The following OLFM3 variants were observed in gnomAD, a reference collection of about 807,000 sequenced individuals.
OLFM3 encodes noelin-3.
In OLFM3, 20 loss-of-function variants were observed where a neutral mutation model predicts 48.6. That is an observed-to-expected ratio of 0.41 (90% CI 0.29 to 0.60). OLFM3 has a LOEUF of 0.60. Ranked by LOEUF, OLFM3 falls within the 20% of genes least tolerant of loss-of-function variation. The probability of loss-of-function intolerance (pLI) is 0.28; values close to 1 mark genes in which losing one functional copy is unlikely to be tolerated. For missense variants in OLFM3, 437 were observed against 544.3 expected (o/e 0.80, Z 1.96); for synonymous variants, 222 against 198.1 (o/e 1.12, Z -1.01).
intron 1 of OLFM3, among the ~76,000 whole-genome samples, chr1:101,838,190 C>T (rs1378535425): frequency 2.0e-5 from 3 of 152,072 alleles, no homozygotes; most frequent in Non-Finnish European, 2.9e-5. Flanking sequence ...TCTTGAGTAG[C>T]TGGGATTACA....
intron 4 of OLFM3, 148 bp from the exon 5 acceptor site, chr1:101,806,330 T>G (rs1177632982): frequency 1.6e-6 from 1 of 644,654 alleles, no homozygotes; most frequent in African/African-American, 1.8e-5. Context: ...TTATTCACAA[T>G]GGGTGCTGGG....
intron 1 of OLFM3, among the ~76,000 whole-genome samples, chr1:101,969,029 G>C (rs1420099818): frequency 6.6e-6 from 1 of 152,174 alleles, no homozygotes; most frequent in Non-Finnish European, 1.5e-5. Context: ...GAGATTTTCA[G>C]TTGCTTTCCT....
chr1:101,989,416 A>G (rs1570694657), intron 1 of OLFM3, among the ~76,000 whole-genome samples: 1 of 152,228 alleles, frequency 6.6e-6, no homozygotes, highest in Non-Finnish European at 1.5e-5. Flanking sequence ...AGATGGTCTT[A>G]TGCTATTTCT....
intron 1 of OLFM3, among the ~76,000 whole-genome samples, chr1:101,919,505 C>G (rs1428125109): frequency 6.6e-6 from 1 of 152,170 alleles, no homozygotes; most frequent in East Asian, 1.9e-4. Flanking sequence ...TGATTATTCT[C>G]TTTTTGAACT....
chr1:101,991,016 A>AAATAAATAT (rs1553186119), intron 1 of OLFM3, among the ~76,000 whole-genome samples: 1 of 32,200 alleles, frequency 3.1e-5, no homozygotes, highest in African/African-American at 1.7e-4. Flanking sequence ...AAAAAAAAAA[A>AAATAAATAT]ATATATATAT....
At chr1:101,979,600 T>C (rs1041731387) in intron 1 of OLFM3, among the ~76,000 whole-genome samples, 1 of 152,160 alleles carries the variant, frequency 6.6e-6, no homozygotes, top group Non-Finnish European at 1.5e-5. Context: ...CCCAGCAATG[T>C]GGAATGATTT....
At chr1:101,899,253 A>AT (rs924814417) in intron 1 of OLFM3, among the ~76,000 whole-genome samples, 3 of 151,970 alleles carry the variant, frequency 2.0e-5, no homozygotes, top group Non-Finnish European at 2.9e-5. Context: ...CTGAGGTGTC[A>AT]TTTTTTTCAC....
Position 101,940,529 on chromosome 1 carries a change from G to A in OLFM3, c.69+56219C>T, listed in dbSNP as rs147185887. On this transcript the variant is annotated intron_variant, in intron 1 of 5. Transcript: ENST00000370103. ...TCTCTGTCTACCTAATATATCATCT[G>A]TCTATCTATCTATGTATCTATCTAT... Among the ~76,000 whole-genome samples the A allele has an allele frequency of 5.1e-4, 77 of 150,930 alleles. 1 individual carries two copies. In the East Asian group the frequency reaches 0.015, roughly 29 times the overall value.
chr1:101,811,405 C>T (rs1654043419), intron 4 of OLFM3, among the ~76,000 whole-genome samples: 1 of 151,992 alleles, frequency 6.6e-6, no homozygotes, highest in Non-Finnish European at 1.5e-5. Flanking sequence ...AACAGGCAAC[C>T]TACAGAATGA....
chr1:101,975,006 A>AATTTAAT (rs1279161113), intron 1 of OLFM3, among the ~76,000 whole-genome samples: 1 of 152,206 alleles, frequency 6.6e-6, no homozygotes, highest in Non-Finnish European at 1.5e-5. Flanking sequence ...TGAGTTGATT[A>AATTTAAT]CGACTTTAAT....
At chr1:101,885,688 C>T (rs1557716460) in intron 1 of OLFM3, among the ~76,000 whole-genome samples, 1 of 151,990 alleles carries the variant, frequency 6.6e-6, no homozygotes, top group Non-Finnish European at 1.5e-5. Flanking sequence ...CTATGATTTT[C>T]TTAATAACAT....
chr1:101,921,473 G>C (rs979957174), intron 1 of OLFM3, among the ~76,000 whole-genome samples: 1 of 152,166 alleles, frequency 6.6e-6, no homozygotes, highest in Non-Finnish European at 1.5e-5. Flanking sequence ...CAGTCGGGAG[G>C]TATAGTTAAA....
intron 4 of OLFM3, among the ~76,000 whole-genome samples, chr1:101,816,230 G>A (rs1293256236): frequency 2.0e-5 from 3 of 152,156 alleles, no homozygotes; most frequent in African/African-American, 7.2e-5. Context: ...CAAAGTAGCA[G>A]CTATAAAAGA....
intron 1 of OLFM3, among the ~76,000 whole-genome samples, chr1:101,873,198 T>C (rs1459630599): frequency 6.6e-6 from 1 of 151,888 alleles, no homozygotes; most frequent in Admixed American, 6.6e-5. Flanking sequence ...GAGTGCCGTG[T>C]CCCTTTACAT....
chr1:101,926,440 G>A (rs544366545), intron 1 of OLFM3, among the ~76,000 whole-genome samples: 19 of 152,288 alleles, frequency 1.2e-4, no homozygotes, highest in African/African-American at 4.6e-4. Context: ...ATAGATCAAT[G>A]GAACAGGGCA....
intron 4 of OLFM3, among the ~76,000 whole-genome samples, chr1:101,813,731 A>G (rs1654190546): frequency 6.6e-6 from 1 of 152,138 alleles, no homozygotes; most frequent in Admixed American, 6.6e-5. Flanking sequence ...CAGTGACTCA[A>G]AATGCCCAAT....
At chr1:101,876,057 G>T (rs1657287628) in intron 1 of OLFM3, among the ~76,000 whole-genome samples, 1 of 151,942 alleles carries the variant, frequency 6.6e-6, no homozygotes, top group Non-Finnish European at 1.5e-5. Context: ...TCAGATTAAA[G>T]AATTTCACAA....
chr1:101,893,656 C>T (rs1054673230), intron 1 of OLFM3: 5 of 178,810 alleles, frequency 2.8e-5, no homozygotes, highest in African/African-American at 1.2e-4. Flanking sequence ...TTCTGAAAAC[C>T]AATATCCACT....
At chr1:101,823,057 T>G (rs1208033581) in intron 4 of OLFM3, among the ~76,000 whole-genome samples, 1 of 152,016 alleles carries the variant, frequency 6.6e-6, no homozygotes, top group Non-Finnish European at 1.5e-5. Context: ...AGTGTAGAAA[T>G]TATTCCTATG....
Sources: gnomAD v4.1 joint callset for allele counts (sites outside exome capture counted in the v4.1 genomes callset) on GRCh38, gnomAD v4.1.1 for gene constraint, MANE v1.5 for transcripts, NCBI Gene and HGNC (gene_info 2026-07-23, HGNC 2026-07-21) for gene names.